The following NSMCE2 variants were observed in gnomAD, a reference collection of about 807,000 sequenced individuals.
The protein encoded by NSMCE2 is NSE2 SUMO ligase component of SMC5/6 complex.
A neutral mutation model predicts 23.8 loss-of-function variants in NSMCE2; 24 were observed. The observed-to-expected ratio is 1.01, with a 90% confidence interval of 0.73 to 1.42. The LOEUF (loss-of-function observed/expected upper bound fraction) is 1.42. Among genes scored for constraint, NSMCE2 ranks in the 40% most tolerant of loss-of-function variants. The pLI is 0.00. For synonymous variants in NSMCE2, 92 were observed against 94.1 expected (o/e 0.98, Z 0.13); for missense variants, 284 against 296.5 (o/e 0.96, Z 0.31).
chr8:125,342,483 G>A (rs566503856), intron 5 of NSMCE2, among the ~76,000 whole-genome samples: 6 of 152,118 alleles, frequency 3.9e-5, no homozygotes, highest in African/African-American at 1.4e-4. Context: ...ATTTTAAAGG[G>A]ATGGAAAGTG....
chr8:125,288,249 A>C (rs1007515892), intron 5 of NSMCE2, among the ~76,000 whole-genome samples: 2 of 152,012 alleles, frequency 1.3e-5, no homozygotes, highest in Admixed American at 6.6e-5. Context: ...GAGCTCCCTC[A>C]CCATAATCCT....
chr8:125,272,499 G>A (rs1189351261), intron 5 of NSMCE2, among the ~76,000 whole-genome samples: 1 of 151,124 alleles, frequency 6.6e-6, no homozygotes, highest in African/African-American at 2.4e-5. Context: ...GACAGGAGGA[G>A]TGTAATGTCA....
intron 5 of NSMCE2, among the ~76,000 whole-genome samples, chr8:125,249,216 G>A (rs534582570): frequency 6.6e-6 from 1 of 151,696 alleles, no homozygotes; most frequent in African/African-American, 2.4e-5. Context: ...ATTCAATCTT[G>A]TACCAGAGTC....
At chr8:125,215,130 C>T (rs1348920966) in intron 5 of NSMCE2, among the ~76,000 whole-genome samples, 8 of 151,142 alleles carry the variant, frequency 5.3e-5, no homozygotes, top group African/African-American at 1.2e-4. Context: ...CATGCTGGTG[C>T]GCTGCACCCA....
chr8:125,101,027 C>A (rs992826133), intron 1 of NSMCE2, among the ~76,000 whole-genome samples: 1 of 152,188 alleles, frequency 6.6e-6, no homozygotes, highest in Non-Finnish European at 1.5e-5. Flanking sequence ...TAAAGAGATA[C>A]TAAATATTTG....
At chr8:125,152,987 G>C in intron 4 of NSMCE2, among the ~76,000 whole-genome samples, 1 of 150,260 alleles carries the variant, frequency 6.7e-6, no homozygotes, top group Non-Finnish European at 1.5e-5. Context: ...GACCCAGGAG[G>C]TGGAGGTTGC....
chr8:125,133,729 C>CA (rs546512323), intron 3 of NSMCE2, among the ~76,000 whole-genome samples: 112 of 148,898 alleles, frequency 7.5e-4, no homozygotes, highest in African/African-American at 2.6e-3. Flanking sequence ...GACTCCATCT[C>CA]AAAAAAACAA....
intron 5 of NSMCE2, among the ~76,000 whole-genome samples, chr8:125,236,523 A>T (rs1191930976): frequency 1.3e-5 from 2 of 152,046 alleles, no homozygotes; most frequent in Admixed American, 6.6e-5. Context: ...GGGAATGGAA[A>T]TGTTTGCATA....
At chr8:125,221,939 G>A (rs1031716860) in intron 5 of NSMCE2, among the ~76,000 whole-genome samples, 5 of 152,044 alleles carry the variant, frequency 3.3e-5, no homozygotes, top group Non-Finnish European at 5.9e-5. Flanking sequence ...ACAGGGCCTA[G>A]CATAAAGTAG....
chr8:125,253,740 C>T (rs11987707), intron 5 of NSMCE2, among the ~76,000 whole-genome samples: 5,841 of 152,194 alleles, frequency 0.038, 176 homozygotes, highest in South Asian at 0.17. Flanking sequence ...AAAATGAAGT[C>T]GTATAGGCAG....
intron 3 of NSMCE2, among the ~76,000 whole-genome samples, chr8:125,118,547 A>G (rs1347259977): frequency 3.9e-5 from 6 of 152,194 alleles, no homozygotes. Context: ...GGTAGGAAAT[A>G]CCACTAGGTG....
At chr8:125,149,458 G>A (rs541439683) in intron 3 of NSMCE2, among the ~76,000 whole-genome samples, 5 of 152,114 alleles carry the variant, frequency 3.3e-5, no homozygotes, top group Non-Finnish European at 5.9e-5. Flanking sequence ...TATGAATGGA[G>A]AGTCTTTGAG....
Position 125,217,880 on chromosome 8 carries a change from G to GA in NSMCE2, c.418+35637dup, listed in dbSNP as rs547379030. ...TTAGTGGCAGTGACCATCTAAATATGAAAAAAAAAAAAACCAAAACAAAAA... is the reference window on the plus strand; with the variant it reads ...TTAGTGGCAGTGACCATCTAAATATGAAAAAAAAAAAAAACCAAAACAAAAA... On this transcript the variant is annotated intron_variant, in intron 5 of 7. Transcript: ENST00000287437. Among the ~76,000 whole-genome samples, 1,225 of 124,936 alleles carry GA rather than the reference G, an allele frequency of 9.8e-3. 9 individuals carry two copies. The highest frequency in any genetic ancestry group is 0.031 in the Middle Eastern group (8 of 256). 82.0% of individuals were successfully genotyped at this position (124,936 alleles called of 152,430 possible).
intron 5 of NSMCE2, among the ~76,000 whole-genome samples, chr8:125,246,888 T>C (rs1825988490): frequency 6.6e-6 from 1 of 152,016 alleles, no homozygotes; most frequent in Non-Finnish European, 1.5e-5. Context: ...TACCATTTTC[T>C]TTTTTTTCTT....
intron 5 of NSMCE2, among the ~76,000 whole-genome samples, chr8:125,278,022 A>G (rs1352743718): frequency 6.6e-6 from 1 of 152,208 alleles, no homozygotes; most frequent in Non-Finnish European, 1.5e-5. Flanking sequence ...AGCCTCCAGA[A>G]AACGAACATA....
chr8:125,150,649 T>C (rs1371324319), intron 3 of NSMCE2, among the ~76,000 whole-genome samples: 1 of 152,214 alleles, frequency 6.6e-6, no homozygotes, highest in East Asian at 1.9e-4. Context: ...CCCAAAGTAC[T>C]AGGATTACAG....
At chr8:125,247,432 C>A (rs1264795222) in intron 5 of NSMCE2, among the ~76,000 whole-genome samples, 1 of 152,076 alleles carries the variant, frequency 6.6e-6, no homozygotes, top group Non-Finnish European at 1.5e-5. Context: ...TTGAAAGATT[C>A]CTAAATGTGA....
At chr8:125,262,131 A>T (rs1278699847) in intron 5 of NSMCE2, among the ~76,000 whole-genome samples, 1 of 116,922 alleles carries the variant, frequency 8.6e-6, no homozygotes, top group Non-Finnish European at 2.0e-5. Flanking sequence ...TAAAATATAA[A>T]ATAAATTGTA....
rs548427642 is a variant in NSMCE2 at position 125,360,619 on chromosome 8, G to T, written c.626+2801G>T. On this transcript the variant is annotated intron_variant, in intron 7 of 7. Transcript: ENST00000287437. Reference sequence around the variant, plus strand: ...AGTGGAGGCTCATGGGAACTTGTGGGCGGGGTGGGCAGGGTTCTGAAGGCC... The same window carrying T: ...AGTGGAGGCTCATGGGAACTTGTGGTCGGGGTGGGCAGGGTTCTGAAGGCC... Among the ~76,000 whole-genome samples, 6 of 152,252 alleles carry T rather than the reference G, an allele frequency of 3.9e-5. No homozygotes were observed. The South Asian group carries it at 1.0e-3, about 26-fold the overall frequency.
Sources: gnomAD v4.1 joint callset for allele counts (sites outside exome capture counted in the v4.1 genomes callset) on GRCh38, gnomAD v4.1.1 for gene constraint, MANE v1.5 for transcripts, NCBI Gene and HGNC (gene_info 2026-07-23, HGNC 2026-07-21) for gene names.